SNAPC4: variants seen among roughly 807,000 people sequenced by gnomAD.
SNAPC4 encodes small nuclear RNA activating complex polypeptide 4.
Under a neutral mutation model 151.3 loss-of-function variants are expected in SNAPC4, and 127 were observed. The observed-to-expected ratio is 0.84, with a 90% confidence interval of 0.73 to 0.97. SNAPC4 has a LOEUF of 0.97. SNAPC4 is among the 50% of genes least tolerant of loss of function. The pLI, the probability that SNAPC4 is intolerant of heterozygous loss-of-function variation, is 0.00. For missense variants in SNAPC4, 2,186 were observed against 1,935.0 expected (o/e 1.13, Z -2.43); for synonymous variants, 1,002 against 824.4 (o/e 1.22, Z -3.69).
Position 136,383,822 on chromosome 9 carries a change from G to A in SNAPC4, c.1500+131C>T. On this transcript the variant is annotated intron_variant, in intron 15 of 23. Coordinates refer to ENST00000684778, the MANE Select transcript of SNAPC4 (RefSeq NM_003086.4). This position sits in a 1 kb window ranked among gnomAD's most constrained non-coding sequence, Gnocchi z 4.2. ...GAGGCAGGGTCTCCCTTTGCCCTTG[G>A]CCACCCAGAAGAAGAAATGCCAAGA... is the stretch of plus-strand genomic sequence containing the variant. 2.2e-6 allele frequency: 3 copies of A among 1,350,996 alleles called. No individual in the cohort carries two copies. The allele number at this position is 1,350,996 out of a possible 1,614,324, so 83.7% of individuals were successfully genotyped here.
chr9:136,384,879 G>A (rs1833838601), intron 13 of SNAPC4, 65 bp from the exon 14 acceptor site: 2 of 850,546 alleles, frequency 2.4e-6, no homozygotes, highest in Non-Finnish European at 3.8e-6. Context: ...GCTGCCCCAA[G>A]CTTCTTTAAT....
At chr9:136,379,663 A>T (rs1045162783) in intron 21 of SNAPC4, among the ~76,000 whole-genome samples, 174 bp downstream of exon 21, 4 of 152,174 alleles carry the variant, frequency 2.6e-5, no homozygotes, top group African/African-American at 9.7e-5. Flanking sequence ...GGGAGCTCCA[A>T]GCTGGCCCAG....
intron 6 of SNAPC4, 104 bp downstream of exon 6, chr9:136,394,696 A>C: frequency 9.7e-7 from 1 of 1,035,692 alleles, no homozygotes. Flanking sequence ...CCATGAGGTC[A>C]CAACAGAGAG....
intron 22 of SNAPC4, 145 bp downstream of exon 22, chr9:136,377,398 A>G (rs11793497): frequency 0.41 from 426,078 of 1,045,756 alleles, 89,286 homozygotes; most frequent in Admixed American, 0.5. Context: ...CAGGCCAGGA[A>G]CCAGCTTCCT....
chr9:136,386,845 C>A (rs964479666), intron 13 of SNAPC4, among the ~76,000 whole-genome samples: 1 of 152,104 alleles, frequency 6.6e-6, no homozygotes, highest in African/African-American at 2.4e-5. Flanking sequence ...ATCCACCTCC[C>A]AGGCTCAAGC....
rs1214530114 is a variant in SNAPC4 at position 136,387,742 on chromosome 9, A to G, written c.1230T>C (p.Ala410=). The stretch of plus-strand genomic sequence containing the variant: ...TTCTCCTAGGGTCCCGCACACTTAC[A>G]GCATCTTCCTCCGGGGCCCAGTAAC... ...KKGYWAPEED[A]KLLQAVAKYG... is the part of the protein sequence containing the mutation. The change falls in exon 12 of 24, where the codon GCT becomes GCC. Residue 410 remains alanine, a splice_region_variant and synonymous_variant. Transcript: ENST00000684778. 3 of 1,592,838 alleles carry G rather than the reference A, an allele frequency of 1.9e-6. No homozygotes were observed. The highest frequency in any genetic ancestry group is 1.7e-6 in the Non-Finnish European group (2 of 1,160,606).
At chr9:136,398,187 C>T (rs1008008687) in intron 2 of SNAPC4, 112 bp downstream of exon 2, 1 of 1,154,314 alleles carries the variant, frequency 8.7e-7, no homozygotes, top group African/African-American at 1.6e-5. Context: ...GGTTTACAGG[C>T]CTGAGAAACC....
Position 136,395,011 on chromosome 9 carries a change from G to A in SNAPC4, c.472-133C>T, listed in dbSNP as rs377577289. The A allele has an allele frequency of 2.9e-4, 252 of 855,532 alleles. 2 individuals carry two copies. In the East Asian group the frequency reaches 3.9e-3, roughly 13 times the overall value. 53.0% of individuals were successfully genotyped at this position (855,532 alleles called of 1,614,324 possible). Reference sequence around the variant, plus strand: ...GTTCTCCCGTACTGTGAGGCTGTGGGGGTGCAACCCTGCCGGCCACTCCAT... The same window carrying A: ...GTTCTCCCGTACTGTGAGGCTGTGGAGGTGCAACCCTGCCGGCCACTCCAT... On this transcript the variant is annotated intron_variant, in intron 5 of 23. Coordinates refer to ENST00000684778, the MANE Select transcript of SNAPC4 (RefSeq NM_003086.4).
In SNAPC4 at chr9:136,383,181, C is replaced by T; in HGVS notation, c.1983+5G>A. On this transcript the variant is annotated splice_donor_5th_base_variant and intron_variant, in intron 16 of 23. Coordinates refer to ENST00000684778, the MANE Select transcript of SNAPC4 (RefSeq NM_003086.4). This position sits in a 1 kb window ranked among gnomAD's most constrained non-coding sequence, Gnocchi z 4.2. ...TCCCGTGGTACACCCAGGGCCGGGG[C>T]CTACCTCCAGGGCCTGCTTCTCTGC... The T allele has an allele frequency of 6.6e-7, 1 of 1,525,598 alleles. No individual in the cohort carries two copies. The highest frequency in any genetic ancestry group is 1.4e-5 in the African/African-American group (1 of 71,934). 94.5% of individuals were successfully genotyped at this position (1,525,598 alleles called of 1,614,324 possible).
chr9:136,391,775 AG>A (rs1834082439), intron 10 of SNAPC4, among the ~76,000 whole-genome samples, 166 bp downstream of exon 10: 1 of 152,186 alleles, frequency 6.6e-6, no homozygotes, highest in African/African-American at 2.4e-5. Context: ...AGTGGCAGAG[AG>A]GGCTGGGCAG....
intron 4 of SNAPC4, 71 bp downstream of exon 4, chr9:136,395,532 T>A: frequency 6.5e-7 from 1 of 1,544,192 alleles, no homozygotes; most frequent in South Asian, 1.2e-5. Context: ...GCCCTGGACC[T>A]GGGAGGCCCA....
chr9:136,382,725 C>T (rs1833744419), intron 16 of SNAPC4, among the ~76,000 whole-genome samples: 1 of 152,256 alleles, frequency 6.6e-6, no homozygotes. Flanking sequence ...GCCTGTTCAA[C>T]TCTGACTGCT....
intron 14 of SNAPC4, 46 bp downstream of exon 14, chr9:136,384,674 A>G (rs772506860): frequency 2.8e-6 from 3 of 1,058,960 alleles, no homozygotes; most frequent in Non-Finnish European, 4.2e-6. Context: ...CTAAGAAACA[A>G]AAAACAAAAA....
At chr9:136,397,964 G>T (rs1008340186) in intron 2 of SNAPC4, among the ~76,000 whole-genome samples, 8 of 152,148 alleles carry the variant, frequency 5.3e-5, no homozygotes, top group African/African-American at 1.7e-4. Flanking sequence ...AGCTGGTTCA[G>T]GGGCTAGCAA....
Position 136,384,045 on chromosome 9 carries a change from A to T in SNAPC4, c.1421-13T>A, listed in dbSNP as rs1207429393. The T allele has an allele frequency of 1.2e-5, 19 of 1,610,740 alleles. No homozygotes were observed. The African/African-American group carries it at 2.5e-4, about 22-fold the overall frequency. On this transcript the variant is annotated splice_polypyrimidine_tract_variant and intron_variant, in intron 14 of 23. Transcript: ENST00000684778. ...TTTGCCCAGTGACCTGCAAAAGCCA[A>T]ACCCCATGGAAATGCCTTCATCCAA...
chr9:136,392,909 G>A, intron 7 of SNAPC4, 132 bp from the exon 8 acceptor site: 1 of 731,922 alleles, frequency 1.4e-6, no homozygotes, highest in Admixed American at 2.2e-5. Context: ...CCCTGCCTCG[G>A]CCTCCTCACC....
At chr9:136,399,189 CCAA>C (rs1834370844) in intron 1 of SNAPC4, among the ~76,000 whole-genome samples, 1 of 152,176 alleles carries the variant, frequency 6.6e-6, no homozygotes, top group East Asian at 1.9e-4. Flanking sequence ...CCCAAAACAC[CCAA>C]CAACAAAGAG....
At position 136,383,145 on chromosome 9, in the gene SNAPC4, G is replaced by A. The variant is rs377272492; in HGVS notation, c.1983+41C>T. On this transcript the variant is annotated intron_variant, in intron 16 of 23. Coordinates refer to ENST00000684778, the MANE Select transcript of SNAPC4 (RefSeq NM_003086.4). The surrounding 1 kb of genome is among the most constrained non-coding windows in gnomAD (Gnocchi z 4.2). ...GCGTCAGCCCTGGCGAGCGAGTGCC[G>A]AAAGTGCACTTCCCGTGGTACACCC... 158 of 1,509,018 alleles carry A rather than the reference G, an allele frequency of 1.0e-4. No individual in the cohort carries two copies. Among genetic ancestry groups the A allele is most frequent in the Admixed American group, 6.4e-4 (28 of 43,800 alleles). 93.5% of individuals were successfully genotyped at this position (1,509,018 alleles called of 1,614,324 possible). A position where few individuals can be genotyped will look rare whatever the true frequency, so the allele number is the denominator to read the frequency against.
intron 3 of SNAPC4, among the ~76,000 whole-genome samples, chr9:136,396,297 A>G (rs1834271458): frequency 6.6e-6 from 1 of 152,248 alleles, no homozygotes; most frequent in South Asian, 2.1e-4. Flanking sequence ...CTCAGTACCC[A>G]CTAACTTTGC....
Sources: gnomAD v4.1 joint callset for allele counts (sites outside exome capture counted in the v4.1 genomes callset) on GRCh38, gnomAD v4.1.1 for gene constraint, Gnocchi (gnomAD v3.1) non-coding constraint, MANE v1.5 for transcripts, NCBI Gene and HGNC (gene_info 2026-07-23, HGNC 2026-07-21) for gene names.